TMEM132D: variants seen among roughly 807,000 people sequenced by gnomAD.
The protein encoded by TMEM132D is transmembrane protein 132D, also known as mature OL transmembrane protein.
TMEM132D carries 21 observed loss-of-function variants against 62.3 expected under a neutral mutation model. The ratio of observed to expected loss-of-function variants is 0.34; its 90% CI spans 0.24 to 0.49. The LOEUF is 0.49. Ranked by LOEUF, TMEM132D falls within the 20% of genes least tolerant of loss-of-function variation. TMEM132D has a pLI of 0.99. For synonymous variants in TMEM132D, 621 were observed against 575.6 expected, an observed-to-expected ratio of 1.08 and a Z score of -1.13; for missense variants, 1,346 against 1,402.8, an observed-to-expected ratio of 0.96 and a Z score of 0.65.
chr12:129,591,710 C>T (rs1044126965), intron 2 of TMEM132D, among the ~76,000 whole-genome samples: 1 of 151,782 alleles, frequency 6.6e-6, no homozygotes, highest in African/African-American at 2.4e-5. Context: ...CCTCACGAAG[C>T]TTTTTTCCCC....
rs372907009 is a variant in TMEM132D, at chr12:129,590,948, AAAGTC to A, written c.969-59748_969-59744del. Among the ~76,000 whole-genome samples, 236 of 152,336 alleles carry A rather than the reference AAAGTC, an allele frequency of 1.5e-3. 1 individual carries two copies. Among genetic ancestry groups the A allele is most frequent in the African/African-American group, 5.3e-3 (219 of 41,576 alleles). ...TTCATCTATGCAAAAGAGAAGCTAA[AAAGTC>A]AAGTCTTTTATTCACAGTGGTCACG... is the stretch of plus-strand genomic sequence containing the variant. On this transcript the variant is annotated intron_variant, in intron 2 of 8. Transcript: ENST00000422113.
chr12:129,281,964 A>G (rs936628665), intron 4 of TMEM132D, among the ~76,000 whole-genome samples: 4 of 152,186 alleles, frequency 2.6e-5, no homozygotes, highest in African/African-American at 9.6e-5. Flanking sequence ...GGTGGAGGGT[A>G]GACCTCCGTG....
chr12:129,402,013 G>T (rs188605057), intron 3 of TMEM132D, among the ~76,000 whole-genome samples: 23 of 152,310 alleles, frequency 1.5e-4, no homozygotes, highest in Admixed American at 1.5e-3. Context: ...CGTTCTCAGT[G>T]AAGCCTGGCT....
intron 1 of TMEM132D, among the ~76,000 whole-genome samples, chr12:129,831,414 A>G (rs1872827329): frequency 6.6e-6 from 1 of 152,182 alleles, no homozygotes; most frequent in African/African-American, 2.4e-5. Flanking sequence ...TTTTATATAG[A>G]GAGACTGTGG....
intron 3 of TMEM132D, among the ~76,000 whole-genome samples, chr12:129,475,070 C>A (rs866038017): frequency 6.6e-6 from 1 of 152,052 alleles, no homozygotes; most frequent in Non-Finnish European, 1.5e-5. Flanking sequence ...AGAAAACACA[C>A]AAGAGGACAA....
At chr12:129,091,832 C>T (rs1874927635) in intron 5 of TMEM132D, among the ~76,000 whole-genome samples, 1 of 152,220 alleles carries the variant, frequency 6.6e-6, no homozygotes, top group African/African-American at 2.4e-5. Context: ...ATGTGTTCCT[C>T]CAACAGCTGG....
At chr12:129,090,359 G>A (rs954077708) in intron 5 of TMEM132D, among the ~76,000 whole-genome samples, 4 of 152,088 alleles carry the variant, frequency 2.6e-5, no homozygotes, top group Admixed American at 6.5e-5. Context: ...CCTCATAGGT[G>A]AGCTGACTTC....
intron 2 of TMEM132D, among the ~76,000 whole-genome samples, chr12:129,641,719 G>T (rs912551546): frequency 2.6e-5 from 4 of 152,162 alleles, no homozygotes; most frequent in African/African-American, 9.6e-5. Context: ...CCCATTCCAT[G>T]GGCTCTTGTC....
chr12:129,424,335 C>T (rs891915447), intron 3 of TMEM132D, among the ~76,000 whole-genome samples: 1 of 152,162 alleles, frequency 6.6e-6, no homozygotes, highest in African/African-American at 2.4e-5. Context: ...TCTAGTCACG[C>T]ACTCAAAAGT....
chr12:129,076,388 A>C (rs1035903969), intron 8 of TMEM132D, among the ~76,000 whole-genome samples: 27 of 151,532 alleles, frequency 1.8e-4, no homozygotes, highest in African/African-American at 6.1e-4. Flanking sequence ...TTGTTATTTA[A>C]GCTTTTGCTT....
At chr12:129,623,344 A>G (rs77574365) in intron 2 of TMEM132D, among the ~76,000 whole-genome samples, 4,394 of 152,234 alleles carry the variant, frequency 0.029, 101 homozygotes, top group Middle Eastern at 0.075. Context: ...GATGAATTAT[A>G]TAGTGGTGAA....
intron 5 of TMEM132D, among the ~76,000 whole-genome samples, chr12:129,121,725 A>G (rs985278221): frequency 6.6e-6 from 1 of 152,220 alleles, no homozygotes; most frequent in African/African-American, 2.4e-5. Flanking sequence ...ACCACAGCAC[A>G]CAGACACAGA....
intron 1 of TMEM132D, among the ~76,000 whole-genome samples, chr12:129,761,351 C>T (rs1280669515): frequency 2.0e-5 from 3 of 152,104 alleles, no homozygotes; most frequent in African/African-American, 7.2e-5. Context: ...TGGATCTGAC[C>T]TCCCACCTGG....
chr12:129,579,752 C>T (rs1877789753), intron 2 of TMEM132D, among the ~76,000 whole-genome samples: 1 of 152,182 alleles, frequency 6.6e-6, no homozygotes. Flanking sequence ...TCTTCCTCTC[C>T]CAGTCCACTG....
rs550755267 is a variant in TMEM132D at position 129,280,032 on chromosome 12, A to C, written c.1299+57602T>G. 2.6e-5 allele frequency among the ~76,000 whole-genome samples: 4 copies of C among 152,350 alleles called. No homozygotes were observed. The South Asian group carries it at 6.2e-4, about 24-fold the overall frequency. ...TGAAAATTAGCCTCAAGACAATGTT[A>C]ATTACACTTTATCCATTAGTAGGAG... On this transcript the variant is annotated intron_variant, in intron 4 of 8. Transcript: ENST00000422113.
chr12:129,128,492 C>T (rs1273877419), intron 5 of TMEM132D, among the ~76,000 whole-genome samples: 1 of 152,126 alleles, frequency 6.6e-6, no homozygotes, highest in East Asian at 1.9e-4. Flanking sequence ...TGAGAACTCA[C>T]TCATTAACAT....
intron 1 of TMEM132D, among the ~76,000 whole-genome samples, chr12:129,755,556 C>A (rs1378201188): frequency 6.6e-6 from 1 of 152,126 alleles, no homozygotes; most frequent in African/African-American, 2.4e-5. Flanking sequence ...GCAAACAAAG[C>A]AAATTGGTGC....
chr12:129,223,918 A>G (rs1879414405), intron 4 of TMEM132D, among the ~76,000 whole-genome samples: 1 of 152,166 alleles, frequency 6.6e-6, no homozygotes, highest in East Asian at 1.9e-4. Flanking sequence ...ACTTGACACT[A>G]TTGATATTTT....
intron 3 of TMEM132D, among the ~76,000 whole-genome samples, chr12:129,411,569 G>A (rs887229645): frequency 2.6e-5 from 4 of 151,978 alleles, no homozygotes; most frequent in Admixed American, 2.6e-4. Flanking sequence ...TGCTCAGGCT[G>A]GTCTTGAACT....
Sources: gnomAD v4.1 joint callset for allele counts (sites outside exome capture counted in the v4.1 genomes callset) on GRCh38, gnomAD v4.1.1 for gene constraint, MANE v1.5 for transcripts, NCBI Gene and HGNC (gene_info 2026-07-23, HGNC 2026-07-21) for gene names.